MYCBP2: variants seen among roughly 807,000 people sequenced by gnomAD.
The protein encoded by MYCBP2 is MYC binding protein 2.
A neutral mutation model predicts 525.3 loss-of-function variants in MYCBP2; 120 were observed. The observed-to-expected ratio is 0.23, with a 90% CI of 0.20 to 0.27. MYCBP2 has a LOEUF of 0.27. Among genes scored for constraint, MYCBP2 ranks in the 10% least tolerant of loss-of-function variants. The pLI is 1.00. For missense variants in MYCBP2, 4,149 were observed against 5,657.1 expected (o/e 0.73, Z 8.55); for synonymous variants, 1,894 against 1,955.8 (o/e 0.97, Z 0.83).
Position 77,262,187 on chromosome 13 carries a change from A to G in MYCBP2, c.1571-58T>C, listed in dbSNP as rs956902944. Reference sequence around the variant, plus strand: ...TTCTAATATGAAGAATTCTAAATACAACATGCACTATTTTAAGTGATTGCA... The same window carrying G: ...TTCTAATATGAAGAATTCTAAATACGACATGCACTATTTTAAGTGATTGCA... On this transcript the variant is annotated intron_variant, in intron 10 of 82. Coordinates refer to ENST00000544440, the MANE Select transcript of MYCBP2 (RefSeq NM_015057.5). The G allele has an allele frequency of 9.5e-6, 13 of 1,372,558 alleles. No individual in the cohort carries two copies. The African/African-American group carries it at 1.6e-4, about 17-fold the overall frequency. 85.0% of individuals were successfully genotyped at this position (1,372,558 alleles called of 1,614,324 possible). A position where few individuals can be genotyped will look rare whatever the true frequency, so the allele number is the denominator to read the frequency against.
rs1285991746 is a variant in MYCBP2, at chr13:77,127,073, A to G, written c.7660-531T>C. 1.3e-5 allele frequency among the ~76,000 whole-genome samples: 2 copies of G among 152,050 alleles called. 1 individual carries two copies. The highest frequency in any genetic ancestry group is 2.9e-5 in the Non-Finnish European group (2 of 67,932). ...AAAAATATGCATTAAAAATATAGCT[A>G]TATCTTGCTATTTGTTAGTTATGAA... On this transcript the variant is annotated intron_variant, in intron 52 of 82. Coordinates refer to ENST00000544440, the MANE Select transcript of MYCBP2 (RefSeq NM_015057.5).
At chr13:77,092,408 T>G (rs1345256787) in intron 59 of MYCBP2, 1 of 152,160 alleles carries the variant, frequency 6.6e-6, no homozygotes, top group African/African-American at 2.4e-5. Context: ...CCTTTGCATT[T>G]TTATCACATC....
chr13:77,205,658 T>C, intron 24 of MYCBP2, 60 bp from the exon 25 acceptor site: 7 of 1,427,450 alleles, frequency 4.9e-6, no homozygotes, highest in Non-Finnish European at 4.8e-6. Flanking sequence ...ATGGTATTGA[T>C]GACATTAAAT....
At position 77,144,438 on chromosome 13, in the gene MYCBP2, A is replaced by G. The variant is rs1484265779; in HGVS notation, c.7303+7T>C. 3 of 1,591,480 alleles carry G rather than the reference A, an allele frequency of 1.9e-6. No individual in the cohort carries two copies. In the Admixed American group the frequency reaches 5.0e-5, roughly 27 times the overall value. On this transcript the variant is annotated splice_region_variant and intron_variant, in intron 49 of 82. Coordinates refer to ENST00000544440, the MANE Select transcript of MYCBP2 (RefSeq NM_015057.5). ...TAAGTAGTAGCTCATGGCTTTAAAGAAAATACCGATTTCAATGCCATCAAT... is the reference window on the plus strand; with the variant it reads ...TAAGTAGTAGCTCATGGCTTTAAAGGAAATACCGATTTCAATGCCATCAAT...
intron 26 of MYCBP2, among the ~76,000 whole-genome samples, chr13:77,196,918 A>G (rs1010733376): frequency 1.3e-5 from 2 of 152,232 alleles, no homozygotes; most frequent in Non-Finnish European, 2.9e-5. Flanking sequence ...CTTTTAAAAG[A>G]TGTCAAAAAC....
chr13:77,069,953 A>G (rs1276701165), intron 69 of MYCBP2, among the ~76,000 whole-genome samples: 2 of 152,056 alleles, frequency 1.3e-5, no homozygotes, highest in Non-Finnish European at 2.9e-5. Flanking sequence ...GTTATGTAGC[A>G]CCCCATTATA....
At chr13:77,159,852 AG>A (rs2057674024) in intron 44 of MYCBP2, among the ~76,000 whole-genome samples, 1 of 152,134 alleles carries the variant, frequency 6.6e-6, no homozygotes, top group Non-Finnish European at 1.5e-5. Flanking sequence ...ACTCTTTGAT[AG>A]TTCTCCTTCA....
At chr13:77,085,622 G>C (rs1316045582) in intron 62 of MYCBP2, among the ~76,000 whole-genome samples, 2 of 152,142 alleles carry the variant, frequency 1.3e-5, no homozygotes, top group Non-Finnish European at 2.9e-5. Context: ...AATTATACTA[G>C]CTAATGGAAG....
intron 23 of MYCBP2, among the ~76,000 whole-genome samples, chr13:77,210,750 T>C (rs1000559222): frequency 6.6e-6 from 1 of 152,154 alleles, no homozygotes; most frequent in Non-Finnish European, 1.5e-5. Context: ...CTATACAATA[T>C]AAACAGGATT....
chr13:77,153,480 C>G (rs1185298169), intron 46 of MYCBP2, among the ~76,000 whole-genome samples: 1 of 152,188 alleles, frequency 6.6e-6, no homozygotes, highest in African/African-American at 2.4e-5. Flanking sequence ...AAATTACAGA[C>G]ACTATTTTTA....
intron 62 of MYCBP2, among the ~76,000 whole-genome samples, chr13:77,085,233 A>G (rs2044030965): frequency 6.6e-6 from 1 of 152,046 alleles, no homozygotes; most frequent in Non-Finnish European, 1.5e-5. Flanking sequence ...TAATTTCCCT[A>G]TAAATATTTT....
intron 1 of MYCBP2, among the ~76,000 whole-genome samples, chr13:77,313,277 C>T (rs915779722): frequency 1.3e-5 from 2 of 151,912 alleles, no homozygotes; most frequent in Non-Finnish European, 2.9e-5. Context: ...AATCAATGGC[C>T]TAGGATTCCA....
chr13:77,166,123 A>G (rs374869936), intron 41 of MYCBP2, among the ~76,000 whole-genome samples: 2 of 152,180 alleles, frequency 1.3e-5, no homozygotes, highest in Admixed American at 6.6e-5. Context: ...CAAAATCCTT[A>G]AAACATTGTC....
chr13:77,191,639 A>C, intron 28 of MYCBP2, 40 bp downstream of exon 28: 1 of 1,595,642 alleles, frequency 6.3e-7, no homozygotes, highest in Non-Finnish European at 8.6e-7. Context: ...CCTCTAACAA[A>C]AATAAGTATT....
chr13:77,060,878 GC>G (rs1357324060), intron 76 of MYCBP2, among the ~76,000 whole-genome samples: 3 of 152,088 alleles, frequency 2.0e-5, no homozygotes, highest in Non-Finnish European at 4.4e-5. Context: ...TATCTATGGA[GC>G]CCCATTAGTT....
intron 18 of MYCBP2, among the ~76,000 whole-genome samples, chr13:77,229,378 G>C (rs898615337): frequency 3.3e-5 from 5 of 152,146 alleles, no homozygotes; most frequent in Admixed American, 2.0e-4. Flanking sequence ...AAGGGGTTAA[G>C]TAACCAGCCC....
chr13:77,135,289 A>C (rs2053566062), intron 52 of MYCBP2, among the ~76,000 whole-genome samples: 2 of 152,242 alleles, frequency 1.3e-5, no homozygotes, highest in Admixed American at 1.3e-4. Context: ...CCATGATTAA[A>C]GTTCATTTAC....
intron 55 of MYCBP2, 197 bp from the exon 56 acceptor site, chr13:77,099,210 C>A (rs950783698): frequency 3.5e-5 from 25 of 724,560 alleles, no homozygotes; most frequent in Non-Finnish European, 5.4e-5. Context: ...CACAACATTA[C>A]CACCAAAAAC....
intron 14 of MYCBP2, among the ~76,000 whole-genome samples, chr13:77,253,819 A>G (rs1251617560): frequency 2.6e-5 from 4 of 152,026 alleles, no homozygotes. Flanking sequence ...GGAAAATCCA[A>G]CTCTACTGGT....
Sources: gnomAD v4.1 joint callset for allele counts (sites outside exome capture counted in the v4.1 genomes callset) on GRCh38, gnomAD v4.1.1 for gene constraint, MANE v1.5 for transcripts, NCBI Gene and HGNC (gene_info 2026-07-23, HGNC 2026-07-21) for gene names.